The following SPAG16 variants were observed in gnomAD, a reference collection of about 807,000 sequenced individuals.
The protein encoded by SPAG16 is sperm associated antigen 16, also known as sperm-associated antigen 16 protein.
SPAG16 carries 86 observed loss-of-function variants against 80.4 expected under a neutral mutation model. The ratio of observed to expected loss-of-function variants is 1.07; its 90% CI spans 0.90 to 1.28. The LOEUF is 1.28. Among genes scored for constraint, SPAG16 ranks in the 50% most tolerant of loss-of-function variants. The probability of loss-of-function intolerance (pLI) is 0.00; values close to 1 mark genes in which losing one functional copy is unlikely to be tolerated. For synonymous variants in SPAG16, 294 were observed against 265.9 expected, an observed-to-expected ratio of 1.11 and a Z score of -1.03; for missense variants, 870 against 765.3, an observed-to-expected ratio of 1.14 and a Z score of -1.61.
chr2:213,677,312 C>T (rs934673851), intron 10 of SPAG16, among the ~76,000 whole-genome samples: 3 of 152,100 alleles, frequency 2.0e-5, no homozygotes, highest in African/African-American at 7.2e-5. Context: ...AATTAAAAGA[C>T]ACAGACTGGT....
Position 214,172,550 on chromosome 2 carries a change from G to A in SPAG16, c.1720+23284G>A, listed in dbSNP as rs574499178. On this transcript the variant is annotated intron_variant, in intron 15 of 15. Transcript: ENST00000331683. The stretch of plus-strand genomic sequence containing the variant: ...AGTCTTTGCTGTTGTGAATAGTGCC[G>A]CAATAAACATACGTGTGCATGTGTC... 7.2e-5 allele frequency among the ~76,000 whole-genome samples: 11 copies of A among 152,094 alleles called. No homozygotes were observed. In the South Asian group the frequency reaches 1.2e-3, roughly 17 times the overall value.
chr2:214,243,871 T>A (rs1689660023), intron 15 of SPAG16, among the ~76,000 whole-genome samples: 1 of 152,122 alleles, frequency 6.6e-6, no homozygotes, highest in Non-Finnish European at 1.5e-5. Flanking sequence ...CAAATAGGAA[T>A]GAAGGAGTTC....
intron 10 of SPAG16, among the ~76,000 whole-genome samples, chr2:213,808,432 G>A (rs2071908359): frequency 6.6e-6 from 1 of 152,090 alleles, no homozygotes; most frequent in African/African-American, 2.4e-5. Flanking sequence ...GTGAGTGAGA[G>A]GTTATCAGAG....
chr2:213,351,512 C>A (rs947055782), intron 7 of SPAG16, among the ~76,000 whole-genome samples: 1 of 152,026 alleles, frequency 6.6e-6, no homozygotes, highest in Non-Finnish European at 1.5e-5. Flanking sequence ...GGGTGAGATA[C>A]CTTTGGCATA....
At position 213,862,550 on chromosome 2, in the gene SPAG16, T is replaced by G. The variant is rs374002616; in HGVS notation, c.1136T>G (p.Leu379Trp). 1 of 1,614,184 alleles carries G rather than the reference T, an allele frequency of 6.2e-7. No individual in the cohort carries two copies. Among genetic ancestry groups the G allele is most frequent in the African/African-American group, 1.3e-5 (1 of 75,062 alleles). The change falls in exon 11 of 16, where the codon TTG (leucine) becomes TGG (tryptophan). Residue 379 changes from leucine (L) to tryptophan (W), a missense_variant. Transcript: ENST00000331683. ...GGCGAGGACCGACTCTGGAAGGTGT[T>G]GGGCCTTCCAAAATGCAATGTGCTT... ...SCGEDRLWKVLGLPKCNVLLT... is the reference protein window; with the variant it reads ...SCGEDRLWKVWGLPKCNVLLT...
At chr2:213,579,603 AAAT>A (rs2060236447) in intron 10 of SPAG16, among the ~76,000 whole-genome samples, 1 of 152,126 alleles carries the variant, frequency 6.6e-6, no homozygotes, top group Non-Finnish European at 1.5e-5. Context: ...ACATATATCT[AAAT>A]AAAGAAGGAG....
At chr2:213,789,081 T>C (rs1352929858) in intron 10 of SPAG16, among the ~76,000 whole-genome samples, 2 of 151,922 alleles carry the variant, frequency 1.3e-5, no homozygotes, top group Admixed American at 6.6e-5. Flanking sequence ...ATGCAAATAA[T>C]TTGGAAGAAC....
intron 12 of SPAG16, among the ~76,000 whole-genome samples, chr2:213,961,229 C>T (rs747723431): frequency 2.0e-5 from 3 of 152,096 alleles, no homozygotes; most frequent in Admixed American, 6.5e-5. Context: ...ATTTTCTCTC[C>T]AATTGATATT....
intron 9 of SPAG16, among the ~76,000 whole-genome samples, chr2:213,441,503 T>C (rs2070953610): frequency 1.3e-5 from 2 of 152,232 alleles, no homozygotes; most frequent in Admixed American, 6.5e-5. Flanking sequence ...CAAAATGGAA[T>C]CAGGAGTTGG....
At chr2:214,151,966 A>G (rs1169607448) in intron 15 of SPAG16, among the ~76,000 whole-genome samples, 3 of 152,310 alleles carry the variant, frequency 2.0e-5, no homozygotes, top group Middle Eastern at 6.8e-3. Context: ...ATGTCTCTAG[A>G]TCAGTTTAAT....
Position 213,377,816 on chromosome 2 carries a change from A to C in SPAG16, c.942+2697A>C, listed in dbSNP as rs77992680. Among the ~76,000 whole-genome samples, 1,151 of 152,116 alleles carry C rather than the reference A, an allele frequency of 7.6e-3. 27 individuals are homozygous for C. The highest frequency in any genetic ancestry group is 0.027 in the African/African-American group (1,107 of 41,484). ...TTCTTTGAACTTGGCAAAATCAGAA[A>C]GCTTTTATCCTGATGAGCACTGTAT... On this transcript the variant is annotated intron_variant, in intron 9 of 15. Coordinates refer to ENST00000331683, the MANE Select transcript of SPAG16 (RefSeq NM_024532.5).
intron 10 of SPAG16, among the ~76,000 whole-genome samples, chr2:213,683,188 A>G (rs938347698): frequency 3.3e-5 from 5 of 152,226 alleles, no homozygotes; most frequent in Non-Finnish European, 5.9e-5. Flanking sequence ...TGGGAGAGGA[A>G]AATCAGGAAA....
chr2:214,192,076 G>A (rs1342743137), intron 15 of SPAG16, among the ~76,000 whole-genome samples: 1 of 151,998 alleles, frequency 6.6e-6, no homozygotes, highest in Non-Finnish European at 1.5e-5. Context: ...TTACCACAAA[G>A]GTTGAAAACT....
chr2:214,118,534 GAATC>G (rs2054055346), intron 14 of SPAG16, among the ~76,000 whole-genome samples: 1 of 152,102 alleles, frequency 6.6e-6, no homozygotes. Flanking sequence ...GGCAGAAGGG[GAATC>G]AAACACATCC....
intron 14 of SPAG16, among the ~76,000 whole-genome samples, chr2:214,111,522 T>A (rs1180778690): frequency 6.6e-6 from 1 of 152,190 alleles, no homozygotes; most frequent in African/African-American, 2.4e-5. Context: ...CATGCTCTGT[T>A]GGTTACTGTA....
chr2:214,192,453 G>C (rs990638936), intron 15 of SPAG16, among the ~76,000 whole-genome samples: 1 of 152,034 alleles, frequency 6.6e-6, no homozygotes, highest in African/African-American at 2.4e-5. Context: ...TTCTATGAAA[G>C]ATTGGTTCTG....
chr2:213,821,165 T>G (rs1024828368), intron 10 of SPAG16, among the ~76,000 whole-genome samples: 3 of 152,134 alleles, frequency 2.0e-5, no homozygotes, highest in Non-Finnish European at 4.4e-5. Flanking sequence ...TCATATTGTT[T>G]TCTATTTTTA....
intron 10 of SPAG16, among the ~76,000 whole-genome samples, chr2:213,849,497 AATTT>A (rs1268442343): frequency 3.3e-5 from 5 of 152,212 alleles, no homozygotes; most frequent in African/African-American, 1.2e-4. Flanking sequence ...TTGGCTTTCT[AATTT>A]ATTTATAAAA....
At chr2:213,708,889 GT>G (rs763646002) in intron 10 of SPAG16, among the ~76,000 whole-genome samples, 38 of 152,184 alleles carry the variant, frequency 2.5e-4, no homozygotes, top group Non-Finnish European at 5.0e-4. Flanking sequence ...CATCTTACTG[GT>G]TTACAACTGG....
Sources: allele counts gnomAD v4.1 joint callset (sites outside exome capture counted in the v4.1 genomes callset), GRCh38; gene constraint gnomAD v4.1.1; transcripts MANE v1.5; gene names NCBI Gene and HGNC (gene_info 2026-07-23, HGNC 2026-07-21).